The following ARHGAP12 variants were observed in gnomAD, a reference collection of about 807,000 sequenced individuals.
ARHGAP12 encodes Rho GTPase activating protein 12.
ARHGAP12 carries 64 observed loss-of-function variants against 108.6 expected under a neutral mutation model. The ratio of observed to expected loss-of-function variants is 0.59; its 90% CI spans 0.48 to 0.73. The LOEUF (loss-of-function observed/expected upper bound fraction) is 0.73, where lower values mean the gene tolerates loss of function less well. ARHGAP12 is among the 30% of genes least tolerant of loss of function. ARHGAP12 has a pLI of 0.00. For synonymous variants in ARHGAP12, 312 were observed against 337.2 expected (o/e 0.93, Z 0.82); for missense variants, 940 against 1,005.9 (o/e 0.93, Z 0.89).
At chr10:31,818,777 G>T (rs1198893302) in intron 12 of ARHGAP12, among the ~76,000 whole-genome samples, 2 of 152,132 alleles carry the variant, frequency 1.3e-5, no homozygotes, top group African/African-American at 4.8e-5. Flanking sequence ...TCTCCTTCAA[G>T]ATGTCACAGG....
At chr10:31,918,670 C>A (rs1451578137) in intron 1 of ARHGAP12, among the ~76,000 whole-genome samples, 1 of 152,208 alleles carries the variant, frequency 6.6e-6, no homozygotes, top group Non-Finnish European at 1.5e-5. Context: ...TGTGCCACTG[C>A]ATTCCAACCT....
At chr10:31,892,626 A>AGACT (rs760799982) in intron 3 of ARHGAP12, among the ~76,000 whole-genome samples, 3 of 152,210 alleles carry the variant, frequency 2.0e-5, no homozygotes, top group Non-Finnish European at 2.9e-5. Flanking sequence ...ACCTACAAAG[A>AGACT]GACTGAGACT....
chr10:31,849,527 C>T (rs1030015728), intron 6 of ARHGAP12, among the ~76,000 whole-genome samples: 5 of 152,144 alleles, frequency 3.3e-5, no homozygotes, highest in Admixed American at 2.6e-4. Flanking sequence ...TTATCTTAGA[C>T]TTACTAGTAA....
At chr10:31,825,190 AGCTGAG>A (rs1255374325) in intron 11 of ARHGAP12, among the ~76,000 whole-genome samples, 5 of 152,264 alleles carry the variant, frequency 3.3e-5, no homozygotes, top group African/African-American at 1.2e-4. Context: ...TCATCAGAGA[AGCTGAG>A]GAATAATGTG....
At chr10:31,816,168 CGTGTGTGTGTGTGTGTGTGTGTGT>C (rs201754040) in intron 13 of ARHGAP12, among the ~76,000 whole-genome samples, 1 of 136,330 alleles carries the variant, frequency 7.3e-6, no homozygotes, top group Non-Finnish European at 1.6e-5. Flanking sequence ...AAGAAAGAAA[CGTGTGTGTGTGTGTGTGTGTGTGT>C]GTGTGTGTGT....
chr10:31,922,728 G>T (rs575774183), intron 1 of ARHGAP12, among the ~76,000 whole-genome samples: 1 of 151,964 alleles, frequency 6.6e-6, no homozygotes, highest in Non-Finnish European at 1.5e-5. Flanking sequence ...TACCAAAAAC[G>T]TAAAGAAGTT....
Position 31,820,492 on chromosome 10 carries a change from C to T in ARHGAP12, c.1531-4G>A, listed in dbSNP as rs1469013243. Reference sequence around the variant, plus strand: ...GTTTGGACTGATTACTGCCAAACTTCATTTTTGAAAAAGAAAAAAAACCTT... The same window carrying T: ...GTTTGGACTGATTACTGCCAAACTTTATTTTTGAAAAAGAAAAAAAACCTT... On this transcript the variant is annotated splice_region_variant and splice_polypyrimidine_tract_variant and intron_variant, in intron 11 of 19. Coordinates refer to ENST00000344936, the MANE Select transcript of ARHGAP12 (RefSeq NM_018287.7). The T allele has an allele frequency of 6.4e-7, 1 of 1,562,898 alleles. No individual in the cohort carries two copies. Among genetic ancestry groups the T allele is most frequent in the African/African-American group, 1.4e-5 (1 of 72,200 alleles).
intron 3 of ARHGAP12, among the ~76,000 whole-genome samples, chr10:31,885,694 C>T (rs184262653): frequency 2.1e-4 from 32 of 151,984 alleles, no homozygotes; most frequent in Admixed American, 1.8e-3. Context: ...TGGTGCATGC[C>T]TATAAGCCCA....
intron 3 of ARHGAP12, among the ~76,000 whole-genome samples, chr10:31,898,234 C>T (rs1458340094): frequency 6.6e-6 from 1 of 152,044 alleles, no homozygotes. Context: ...TAAGGCAACG[C>T]AACTTAAAAA....
Position 31,826,347 on chromosome 10 carries a change from G to A in ARHGAP12, c.1487C>T (p.Ser496Leu). The A allele has an allele frequency of 6.2e-7, 1 of 1,612,844 alleles. No homozygotes were observed. Among genetic ancestry groups the A allele is most frequent in the Non-Finnish European group, 8.5e-7 (1 of 1,179,358 alleles). Residue 496 changes from serine (S) to leucine (L), a missense_variant, in exon 11 of 20, where the codon TCA becomes TTA. Transcript: ENST00000344936. ...WLSSWAVLQG[S>L]SLLFTKTQGS... is the part of the protein sequence containing the mutation. ...TTGAGTTTTGGTAAAAAGTAAAGAT[G>A]AACCCTGCAACACCGCCCAAGAAGA...
At chr10:31,827,189 C>T (rs1835647891) in intron 10 of ARHGAP12, among the ~76,000 whole-genome samples, 1 of 152,178 alleles carries the variant, frequency 6.6e-6, no homozygotes, top group Non-Finnish European at 1.5e-5. Flanking sequence ...TTGAATATTA[C>T]ACCCCAGCCA....
chr10:31,886,333 C>A (rs1386899805), intron 3 of ARHGAP12, among the ~76,000 whole-genome samples: 1 of 152,142 alleles, frequency 6.6e-6, no homozygotes, highest in East Asian at 1.9e-4. Flanking sequence ...TCCACAGCTA[C>A]TCTCCTACAA....
chr10:31,820,332 G>T, intron 12 of ARHGAP12, 55 bp downstream of exon 12: 1 of 1,390,736 alleles, frequency 7.2e-7, no homozygotes, highest in South Asian at 1.3e-5. Flanking sequence ...TCAAAAAACA[G>T]AACATCCAAT....
At chr10:31,835,050 T>A (rs902894051) in intron 9 of ARHGAP12, among the ~76,000 whole-genome samples, 1 of 151,844 alleles carries the variant, frequency 6.6e-6, no homozygotes, top group African/African-American at 2.4e-5. Context: ...AATAAAAAAA[T>A]CAGCTGGGCA....
intron 3 of ARHGAP12, among the ~76,000 whole-genome samples, chr10:31,879,388 C>T (rs941210678): frequency 1.3e-5 from 2 of 152,172 alleles, no homozygotes; most frequent in African/African-American, 4.8e-5. Context: ...TCTCTCAAAA[C>T]AGTAACAACA....
intron 5 of ARHGAP12, among the ~76,000 whole-genome samples, chr10:31,853,804 A>G (rs1836785497): frequency 6.6e-6 from 1 of 152,242 alleles, no homozygotes; most frequent in African/African-American, 2.4e-5. Flanking sequence ...TACTGAAGAA[A>G]TCTAAACAAA....
chr10:31,872,999 T>C (rs1002044607), intron 3 of ARHGAP12, among the ~76,000 whole-genome samples: 16 of 152,324 alleles, frequency 1.1e-4, no homozygotes, highest in African/African-American at 3.6e-4. Flanking sequence ...CTCTTTGAAA[T>C]GTTCCCCTGT....
intron 1 of ARHGAP12, 92 bp downstream of exon 1, chr10:31,928,591 C>A (rs1840173033): frequency 6.5e-6 from 1 of 153,018 alleles, no homozygotes; most frequent in South Asian, 1.8e-4. Flanking sequence ...ACTCCACCGC[C>A]CTCGGCGGGC....
At position 31,843,466 on chromosome 10, in the gene ARHGAP12, C is replaced by T. The variant is rs373837366; in HGVS notation, c.1291G>A (p.Asp431Asn). The T allele has an allele frequency of 2.5e-5, 41 of 1,611,696 alleles. No homozygotes were observed. The highest frequency in any genetic ancestry group is 1.7e-4 in the South Asian group (15 of 90,584). Reference sequence around the variant, plus strand: ...AAAAATCTCAACAGTCCTACCTTATCATTAGTGTCCAATACAATGGTGCTA... The same window carrying T: ...AAAAATCTCAACAGTCCTACCTTATTATTAGTGTCCAATACAATGGTGCTA... The part of the protein sequence containing the change: ...RHSTIVLDTN[D>N]KESPTASKPC... Residue 431 changes from aspartate (D) to asparagine (N), a missense_variant, in exon 7 of 20, where the codon GAT becomes AAT. Asp to Asn is a conservative substitution (Grantham distance 23, BLOSUM62 1). Transcript: ENST00000344936.
Sources: allele counts gnomAD v4.1 joint callset (sites outside exome capture counted in the v4.1 genomes callset), GRCh38; gene constraint gnomAD v4.1.1; transcripts MANE v1.5; gene names NCBI Gene and HGNC (gene_info 2026-07-23, HGNC 2026-07-21).